Variants in SELPLG observed in about 807,000 individuals in gnomAD.
The protein encoded by SELPLG is selectin P ligand, also known as P-selectin glycoprotein ligand 1.
A neutral mutation model predicts 1.1 loss-of-function variants in SELPLG; 2 were observed. The observed-to-expected ratio is 1.82, with a 90% CI of 0.74 to 5.71. The LOEUF (loss-of-function observed/expected upper bound fraction) is 5.71. Ranked by LOEUF, SELPLG falls within the 30% of genes most tolerant of loss-of-function variation. The pLI, the probability that SELPLG is intolerant of heterozygous loss-of-function variation, is 0.05. For missense variants in SELPLG, 478 were observed against 524.7 expected, an observed-to-expected ratio of 0.91 and a Z score of 0.87; for synonymous variants, 230 against 221.2, an observed-to-expected ratio of 1.04 and a Z score of -0.35.
At chr12:108,627,910 G>A (rs541259256) in intron 1 of SELPLG, among the ~76,000 whole-genome samples, 19 of 152,024 alleles carry the variant, frequency 1.2e-4, no homozygotes, top group Non-Finnish European at 2.6e-4. Flanking sequence ...CCTGTCTCTC[G>A]TCTCTACAAA....
At chr12:108,628,983 A>G (rs1036282883) in intron 1 of SELPLG, among the ~76,000 whole-genome samples, 1 of 152,210 alleles carries the variant, frequency 6.6e-6, no homozygotes, top group Non-Finnish European at 1.5e-5. Flanking sequence ...AGTGTATGGA[A>G]GTTCCCAGAC....
chr12:108,632,594 G>A (rs898120655), intron 1 of SELPLG, among the ~76,000 whole-genome samples: 20 of 151,198 alleles, frequency 1.3e-4, no homozygotes, highest in South Asian at 4.2e-4. Context: ...GGCTTACTGC[G>A]ACCTCCCCCT....
intron 1 of SELPLG, among the ~76,000 whole-genome samples, chr12:108,626,128 C>CTTTTTT (rs573374699): frequency 3.6e-4 from 45 of 125,686 alleles, no homozygotes; most frequent in South Asian, 8.0e-4. Flanking sequence ...GGTTTCTTTT[C>CTTTTTT]TTTTTTTTTT....
At chr12:108,632,206 A>G (rs2032070778) in intron 1 of SELPLG, 1 of 416,720 alleles carries the variant, frequency 2.4e-6, no homozygotes, top group Non-Finnish European at 4.3e-6. Flanking sequence ...CACCCAGGGC[A>G]CGGCCTCGGA....
intron 1 of SELPLG, among the ~76,000 whole-genome samples, chr12:108,626,133 T>TC: frequency 6.8e-6 from 1 of 147,390 alleles, no homozygotes; most frequent in Non-Finnish European, 1.5e-5. Flanking sequence ...CTTTTCTTTT[T>TC]TTTTTTTTTT....
At chr12:108,626,997 GGGAGGCCAAGGCA>G (rs536912345) in intron 1 of SELPLG, among the ~76,000 whole-genome samples, 33 of 152,270 alleles carry the variant, frequency 2.2e-4, no homozygotes, top group African/African-American at 7.7e-4. Context: ...CCAGCTATTT[GGGAGGCCAAGGCA>G]GGAGAATTGC....
At position 108,623,511 on chromosome 12, in the gene SELPLG, G is replaced by A; in HGVS notation, c.797C>T (p.Pro266Leu). The change falls in exon 2 of 2, where the codon CCC (proline) becomes CTC (leucine). Residue 266 changes from proline to leucine, a missense_variant. By Grantham distance (98) the Pro-to-Leu change is moderately conservative. Transcript: ENST00000550948. ...CATGGACAGGGCCTCTGTGGCACTG[G>A]GTTCTGTGGACAGGGCCTCCATGGC... Reference protein sequence around the residue: ...LAAMEALSTEPSATEALSMEP... With the variant: ...LAAMEALSTELSATEALSMEP... 1 of 1,614,246 alleles carries A rather than the reference G, an allele frequency of 6.2e-7. No homozygotes were observed. The highest frequency in any genetic ancestry group is 8.5e-7 in the Non-Finnish European group (1 of 1,180,050).
In SELPLG at chr12:108,623,047, C is replaced by T; in HGVS notation, c.*22G>A. The stretch of plus-strand genomic sequence containing the variant: ...GAGAGCCCGTGGAGGTGGGGTCTTG[C>T]CAAAACAGATGGCAGAGTGAGCTAA... On this transcript the variant is annotated 3_prime_UTR_variant, in exon 2 of 2. Coordinates refer to ENST00000550948, the MANE Select transcript of SELPLG (RefSeq NM_003006.4). 1 of 1,470,086 alleles carries T rather than the reference C, an allele frequency of 6.8e-7. No homozygotes were observed. Among genetic ancestry groups the T allele is most frequent in the Non-Finnish European group, 9.0e-7 (1 of 1,109,830 alleles). The allele number at this position is 1,470,086 out of a possible 1,614,324, so 91.1% of individuals were successfully genotyped here.
intron 1 of SELPLG, among the ~76,000 whole-genome samples, chr12:108,630,186 G>A (rs766674377): frequency 1.1e-4 from 16 of 152,180 alleles, no homozygotes; most frequent in Non-Finnish European, 1.6e-4. Context: ...GAGACTGCTC[G>A]TTTGCCTCTT....
In SELPLG at chr12:108,622,416, C is replaced by G. The variant is rs1211283144; in HGVS notation, c.*653G>C. ...GGGGTCACTTGTCACTAGATGGAAG[C>G]TCCTTGGTCCACACAGTCCCAAAGA... On this transcript the variant is annotated 3_prime_UTR_variant, in exon 2 of 2. Coordinates refer to ENST00000550948, the MANE Select transcript of SELPLG (RefSeq NM_003006.4). 2.6e-5 allele frequency: 4 copies of G among 152,468 alleles called. No individual in the cohort carries two copies. Among genetic ancestry groups the G allele is most frequent in the Non-Finnish European group, 5.9e-5 (4 of 68,234 alleles). 9.4% of individuals were successfully genotyped at this position (152,468 alleles called of 1,614,324 possible).
Position 108,626,670 on chromosome 12 carries a change from ATTT to A in SELPLG, c.-5-2361_-5-2359del, listed in dbSNP as rs762973745. On this transcript the variant is annotated intron_variant, in intron 1 of 1. Transcript: ENST00000550948. The stretch of plus-strand genomic sequence containing the variant: ...TGCCACCACATCTGGTTAATTTTTA[ATTT>A]TTTTTTTTTTGTAGAGACGGGGTCT... Among the ~76,000 whole-genome samples the A allele has an allele frequency of 7.1e-5, 10 of 141,174 alleles. No homozygotes were observed. In the South Asian group the frequency reaches 1.8e-3, roughly 26 times the overall value. 92.6% of individuals were successfully genotyped at this position (141,174 alleles called of 152,430 possible).
In SELPLG at chr12:108,623,488, T is replaced by A. The variant is rs7300972; in HGVS notation, c.820A>T (p.Met274Leu). Residue 274 changes from methionine to leucine, a missense_variant, in exon 2 of 2, where the codon ATG (methionine) becomes TTG (leucine). By Grantham distance (15) the Met-to-Leu change is conservative. Transcript: ENST00000550948. ...TEPSATEALS[M>L]EPTTKRGLFI... ...AGACCTCTTTTGGTAGTAGGTTCCA[T>A]GGACAGGGCCTCTGTGGCACTGGGT... 6 of 1,614,150 alleles carry A rather than the reference T, an allele frequency of 3.7e-6. No homozygotes were observed. The highest frequency in any genetic ancestry group is 5.1e-6 in the Non-Finnish European group (6 of 1,180,038).
chr12:108,625,658 G>T (rs1236506355), intron 1 of SELPLG, among the ~76,000 whole-genome samples: 1 of 152,112 alleles, frequency 6.6e-6, no homozygotes. Flanking sequence ...ACTCTACATT[G>T]TCCTCCCTAC....
intron 1 of SELPLG, chr12:108,632,149 T>C (rs2032069648): frequency 5.4e-6 from 3 of 555,102 alleles, no homozygotes; most frequent in Non-Finnish European, 9.6e-6. Flanking sequence ...CTCTCTGAGG[T>C]TTAACTCCCC....
At position 108,623,042 on chromosome 12, in the gene SELPLG, T is replaced by C. The variant is rs753105310; in HGVS notation, c.*27A>G. The C allele has an allele frequency of 9.6e-6, 14 of 1,464,342 alleles. No homozygotes were observed. Among genetic ancestry groups the C allele is most frequent in the Non-Finnish European group, 1.3e-5 (14 of 1,106,628 alleles). The allele number at this position is 1,464,342 out of a possible 1,614,324, so 90.7% of individuals were successfully genotyped here. On this transcript the variant is annotated 3_prime_UTR_variant, in exon 2 of 2. Coordinates refer to ENST00000550948, the MANE Select transcript of SELPLG (RefSeq NM_003006.4). The stretch of plus-strand genomic sequence containing the variant: ...CCCAGGAGAGCCCGTGGAGGTGGGG[T>C]CTTGCCAAAACAGATGGCAGAGTGA...
intron 1 of SELPLG, among the ~76,000 whole-genome samples, chr12:108,626,756 C>T (rs1030364195): frequency 1.6e-4 from 25 of 152,268 alleles, no homozygotes; most frequent in Middle Eastern, 3.4e-3. Context: ...CTGCCTCGGC[C>T]TCTCAAAGCA....
At chr12:108,629,011 G>T (rs1373711080) in intron 1 of SELPLG, among the ~76,000 whole-genome samples, 1 of 152,176 alleles carries the variant, frequency 6.6e-6, no homozygotes, top group African/African-American at 2.4e-5. Flanking sequence ...TCCAGCCGGG[G>T]GTACTTTATC....
At chr12:108,624,546 C>T (rs1444605825) in intron 1 of SELPLG, among the ~76,000 whole-genome samples, 1 of 152,180 alleles carries the variant, frequency 6.6e-6, no homozygotes, top group East Asian at 1.9e-4. Flanking sequence ...CCTTTAACTT[C>T]TTCTAGATGG....
Position 108,624,014 on chromosome 12 carries a change from T to C in SELPLG, c.294A>G (p.Ala98=), listed in dbSNP as rs2031885224. 2 of 1,614,232 alleles carry C rather than the reference T, an allele frequency of 1.2e-6. No individual in the cohort carries two copies. The highest frequency in any genetic ancestry group is 1.7e-6 in the Non-Finnish European group (2 of 1,180,048). ...CCAGCTCCGTGGTCAGCTCTGTGAC[T>C]GCCCCTCCTGCATCCAGGCCAGTAG... ...RRSTGLDAGG[A]VTELTTELAN... Residue 98 remains alanine (A), a synonymous_variant, in exon 2 of 2, where the codon GCA becomes GCG. Transcript: ENST00000550948.
Sources: gnomAD v4.1 joint callset for allele counts (sites outside exome capture counted in the v4.1 genomes callset) on GRCh38, gnomAD v4.1.1 for gene constraint, MANE v1.5 for transcripts, NCBI Gene and HGNC (gene_info 2026-07-23, HGNC 2026-07-21) for gene names.